PPP2CA: variants seen among roughly 807,000 people sequenced by gnomAD.
PPP2CA encodes the protein protein phosphatase 2 catalytic subunit alpha.
PPP2CA carries 5 observed loss-of-function variants against 38.8 expected under a neutral mutation model. The ratio of observed to expected loss-of-function variants is 0.13; its 90% CI spans 0.07 to 0.27. The LOEUF (loss-of-function observed/expected upper bound fraction) is 0.27. Among genes scored for constraint, PPP2CA ranks in the 10% least tolerant of loss-of-function variants. The probability of loss-of-function intolerance (pLI) is 1.00; values close to 1 mark genes in which losing one functional copy is unlikely to be tolerated. For missense variants in PPP2CA, 88 were observed against 389.7 expected (o/e 0.23, Z 6.52); for synonymous variants, 152 against 134.0 (o/e 1.13, Z -0.93).
At chr5:134,213,133 C>A (rs1762241547) in intron 1 of PPP2CA, among the ~76,000 whole-genome samples, 1 of 152,172 alleles carries the variant, frequency 6.6e-6, no homozygotes, top group African/African-American at 2.4e-5. Flanking sequence ...GAAGAAGATG[C>A]CACTTAGGAC....
At chr5:134,203,347 A>T (rs1020563569) in intron 2 of PPP2CA, among the ~76,000 whole-genome samples, 2 of 152,210 alleles carry the variant, frequency 1.3e-5, no homozygotes, top group African/African-American at 4.8e-5. Flanking sequence ...TGAAAGAAAC[A>T]TCCTTTCCCC....
chr5:134,214,574 CTAATT>C (rs887538086), intron 1 of PPP2CA, among the ~76,000 whole-genome samples: 87 of 152,210 alleles, frequency 5.7e-4, no homozygotes, highest in African/African-American at 2.1e-3. Flanking sequence ...TGTGGTATCA[CTAATT>C]TAATTGGCAT....
At chr5:134,210,004 G>C (rs1290460854) in intron 1 of PPP2CA, among the ~76,000 whole-genome samples, 1 of 151,708 alleles carries the variant, frequency 6.6e-6, no homozygotes, top group Admixed American at 6.6e-5. Context: ...CTTGAGCCCA[G>C]AAGTTCAAGG....
At chr5:134,198,221 T>G (rs1182441305) in intron 6 of PPP2CA, among the ~76,000 whole-genome samples, 1 of 149,904 alleles carries the variant, frequency 6.7e-6, no homozygotes, top group African/African-American at 2.5e-5. Flanking sequence ...AAACCCCATA[T>G]CTACTAAAAA....
At chr5:134,200,018 C>T (rs752509797) in intron 5 of PPP2CA, among the ~76,000 whole-genome samples, 3 of 152,104 alleles carry the variant, frequency 2.0e-5, no homozygotes, top group Admixed American at 6.6e-5. Context: ...ATTAAATATA[C>T]GAAATAACAT....
At chr5:134,212,189 C>T (rs1481938527) in intron 1 of PPP2CA, among the ~76,000 whole-genome samples, 2 of 152,222 alleles carry the variant, frequency 1.3e-5, no homozygotes, top group Non-Finnish European at 2.9e-5. Flanking sequence ...CTCTTTATTG[C>T]ACTTTGCATA....
intron 3 of PPP2CA, 129 bp downstream of exon 3, chr5:134,201,719 G>A: frequency 9.6e-7 from 1 of 1,038,428 alleles, no homozygotes; most frequent in Non-Finnish European, 1.4e-6. Context: ...AAGTTTGAAT[G>A]AATGCTATCA....
chr5:134,198,218 A>G (rs754231103), intron 6 of PPP2CA, among the ~76,000 whole-genome samples: 18 of 151,746 alleles, frequency 1.2e-4, no homozygotes, highest in South Asian at 2.1e-4. Flanking sequence ...GTGAAACCCC[A>G]TATCTACTAA....
chr5:134,216,032 T>C (rs189466045), intron 1 of PPP2CA, among the ~76,000 whole-genome samples: 3 of 152,338 alleles, frequency 2.0e-5, no homozygotes, highest in East Asian at 3.9e-4. Flanking sequence ...GCACTGTTTT[T>C]AAGATAATTT....
intron 1 of PPP2CA, among the ~76,000 whole-genome samples, chr5:134,218,627 C>T (rs565214274): frequency 6.6e-6 from 1 of 152,000 alleles, no homozygotes; most frequent in East Asian, 1.9e-4. Flanking sequence ...AGTTTCCTCC[C>T]TCATCTGTGT....
At chr5:134,222,558 C>T (rs1762468246) in intron 1 of PPP2CA, among the ~76,000 whole-genome samples, 1 of 151,976 alleles carries the variant, frequency 6.6e-6, no homozygotes, top group South Asian at 2.1e-4. Flanking sequence ...AAAAATCTGG[C>T]TATCAAACAA....
chr5:134,204,249 T>C (rs1386083602), intron 2 of PPP2CA, among the ~76,000 whole-genome samples: 1 of 152,216 alleles, frequency 6.6e-6, no homozygotes, highest in Non-Finnish European at 1.5e-5. Flanking sequence ...GTCTGTTGCC[T>C]AGGGGGGAAA....
intron 2 of PPP2CA, 106 bp from the exon 3 acceptor site, chr5:134,202,127 A>C: frequency 9.1e-7 from 1 of 1,097,236 alleles, no homozygotes; most frequent in Non-Finnish European, 1.3e-6. Context: ...TTGTTGAAAA[A>C]ACAGCACACA....
At chr5:134,215,451 T>C (rs961419204) in intron 1 of PPP2CA, among the ~76,000 whole-genome samples, 20 of 151,900 alleles carry the variant, frequency 1.3e-4, no homozygotes, top group Non-Finnish European at 2.8e-4. Context: ...AGCCCTCGCC[T>C]GTGGTCCCAG....
In PPP2CA at chr5:134,206,126, T is replaced by C. The variant is rs754852820; in HGVS notation, c.108A>G (p.Lys36=). ...SQVKSLCEKA[K]EILTKESNVQ... Reference sequence around the variant, plus strand: ...CGTTGGATTCTTTTGTCAGGATTTCTTTAGCCTACAGATGGGAGACAAAAA... The same window carrying C: ...CGTTGGATTCTTTTGTCAGGATTTCCTTAGCCTACAGATGGGAGACAAAAA... The change falls in exon 2 of 7, where the codon AAA becomes AAG. Residue 36 remains lysine (K), a synonymous_variant. Transcript: ENST00000481195. 6.2e-7 allele frequency: 1 copy of C among 1,613,334 alleles called. No homozygotes were observed. Among genetic ancestry groups the C allele is most frequent in the South Asian group, 1.1e-5 (1 of 91,070 alleles).
chr5:134,203,847 C>G lies in PPP2CA; in HGVS notation c.313-1826G>C, dbSNP rs139107598. Among the ~76,000 whole-genome samples the G allele has an allele frequency of 1.6e-3, 240 of 152,242 alleles. No homozygotes were observed. In the East Asian group the frequency reaches 0.017, roughly 11 times the overall value. ...CCTCCCACCTCAGCCTCCAGAGTGGCTAGGACTACAGCACATGTCACCATG... is the reference window on the plus strand; with the variant it reads ...CCTCCCACCTCAGCCTCCAGAGTGGGTAGGACTACAGCACATGTCACCATG... On this transcript the variant is annotated intron_variant, in intron 2 of 6. Coordinates refer to ENST00000481195, the MANE Select transcript of PPP2CA (RefSeq NM_002715.4).
rs369455155 is a variant in PPP2CA, at chr5:134,225,847, C to G, written c.15G>C (p.Val5=). Residue 5 remains valine, a synonymous_variant, in exon 1 of 7, where the codon GTG becomes GTC. Transcript: ENST00000481195. MDEK[V]FTKELDQWIE... Reference sequence around the variant, plus strand: ...TCCACTGGTCCAGCTCCTTGGTGAACACCTTCTCGTCCATGATGCCACCCG... The same window carrying G: ...TCCACTGGTCCAGCTCCTTGGTGAAGACCTTCTCGTCCATGATGCCACCCG... 21 of 1,608,230 alleles carry G rather than the reference C, an allele frequency of 1.3e-5. No homozygotes were observed. The African/African-American group carries it at 2.6e-4, about 20-fold the overall frequency.
chr5:134,204,280 G>A (rs1762030141), intron 2 of PPP2CA, among the ~76,000 whole-genome samples: 2 of 152,192 alleles, frequency 1.3e-5, no homozygotes, highest in Admixed American at 1.3e-4. Flanking sequence ...AAGATTTTTG[G>A]GTAAAGGTAA....
chr5:134,203,806 C>T (rs1014672935), intron 2 of PPP2CA, among the ~76,000 whole-genome samples: 1 of 152,120 alleles, frequency 6.6e-6, no homozygotes, highest in Admixed American at 6.5e-5. Context: ...GCCTGAAATT[C>T]CTAGGCTCAA....
Sources: allele counts gnomAD v4.1 joint callset (sites outside exome capture counted in the v4.1 genomes callset), GRCh38; gene constraint gnomAD v4.1.1; transcripts MANE v1.5; gene names NCBI Gene and HGNC (gene_info 2026-07-23, HGNC 2026-07-21).